ZFC3H1: variants seen among roughly 807,000 people sequenced by gnomAD.
ZFC3H1 encodes zinc finger C3H1-type containing, also known as zinc finger C3H1 domain-containing protein.
Under a neutral mutation model 243.7 loss-of-function variants are expected in ZFC3H1, and 71 were observed. That is an observed-to-expected ratio of 0.29 (90% CI 0.24 to 0.36). ZFC3H1 has a LOEUF of 0.36. ZFC3H1 is among the 10% of genes least tolerant of loss of function. The probability of loss-of-function intolerance (pLI) is 1.00; values close to 1 mark genes in which losing one functional copy is unlikely to be tolerated. For missense variants in ZFC3H1, 1,966 were observed against 2,317.1 expected (o/e 0.85, Z 3.11); for synonymous variants, 838 against 813.0 (o/e 1.03, Z -0.52).
At position 71,663,131 on chromosome 12, in the gene ZFC3H1, C is replaced by A. The variant is rs775444531; in HGVS notation, c.480G>T (p.Gly160=). 5.0e-6 allele frequency: 8 copies of A among 1,614,044 alleles called. No individual in the cohort carries two copies. The East Asian group carries it at 6.7e-5, about 13-fold the overall frequency. ...TGCCTCCTCGCTCACCCACTCCTCG[C>A]CCCCGACTCCAGCGACTCCCACCCC... ...PYRGGSRWSR[G]RGVGERGGKP... Residue 160 remains glycine, a synonymous_variant, in exon 1 of 35, where the codon GGG becomes GGT. Transcript: ENST00000378743.
At chr12:71,652,965 G>A (rs1424997205) in intron 2 of ZFC3H1, among the ~76,000 whole-genome samples, 1 of 149,886 alleles carries the variant, frequency 6.7e-6, no homozygotes, top group Admixed American at 6.7e-5. Context: ...AAAAAACAAC[G>A]ACCATCTCAT....
At chr12:71,638,322 T>G in intron 7 of ZFC3H1, 96 bp downstream of exon 7, 1 of 1,237,516 alleles carries the variant, frequency 8.1e-7, no homozygotes. Flanking sequence ...GCAATTCTGA[T>G]TTTTTAAGCC....
At chr12:71,625,427 C>T (rs992683500) in intron 22 of ZFC3H1, among the ~76,000 whole-genome samples, 1 of 152,152 alleles carries the variant, frequency 6.6e-6, no homozygotes, top group Non-Finnish European at 1.5e-5. Context: ...CATGGTGGCT[C>T]ACATCTATAG....
chr12:71,658,196 G>A (rs1027466628), intron 1 of ZFC3H1, among the ~76,000 whole-genome samples: 1 of 151,002 alleles, frequency 6.6e-6, no homozygotes, highest in Non-Finnish European at 1.5e-5. Context: ...ATTCATACAC[G>A]AGAATTGTTA....
chr12:71,624,008 T>C lies in ZFC3H1; in HGVS notation c.4506+96A>G, dbSNP rs1386481402. On this transcript the variant is annotated intron_variant, in intron 23 of 34. Transcript: ENST00000378743. ...AAAAACAAGGATTCAAATCCAAATCTTGTGCTTTCAACCATTAAATAATGC... is the reference window on the plus strand; with the variant it reads ...AAAAACAAGGATTCAAATCCAAATCCTGTGCTTTCAACCATTAAATAATGC... 7.2e-6 allele frequency: 9 copies of C among 1,254,588 alleles called. No homozygotes were observed. The South Asian group carries it at 1.4e-4, about 19-fold the overall frequency. The allele number at this position is 1,254,588 out of a possible 1,614,324, so 77.7% of individuals were successfully genotyped here.
intron 2 of ZFC3H1, among the ~76,000 whole-genome samples, chr12:71,651,173 G>A (rs1592601577): frequency 1.3e-5 from 2 of 152,162 alleles, no homozygotes; most frequent in South Asian, 2.1e-4. Flanking sequence ...CCCAGATAAC[G>A]CAGTCCCCAG....
chr12:71,655,449 T>G (rs1163168896), intron 2 of ZFC3H1, among the ~76,000 whole-genome samples: 1 of 152,020 alleles, frequency 6.6e-6, no homozygotes, highest in Non-Finnish European at 1.5e-5. Flanking sequence ...GTTTAAAAAC[T>G]TATGTACTTA....
At chr12:71,637,365 T>A (rs1880490024) in intron 7 of ZFC3H1, among the ~76,000 whole-genome samples, 1 of 152,216 alleles carries the variant, frequency 6.6e-6, no homozygotes, top group Non-Finnish European at 1.5e-5. Context: ...GATATAGATA[T>A]CAAACTATAC....
At chr12:71,632,807 T>C (rs1165582626) in intron 14 of ZFC3H1, 79 bp downstream of exon 14, 4 of 1,545,300 alleles carry the variant, frequency 2.6e-6, no homozygotes, top group South Asian at 2.5e-5. Context: ...AGAGTTACTT[T>C]ATATATACAT....
Position 71,645,054 on chromosome 12 carries a change from C to T in ZFC3H1, c.1102G>A (p.Glu368Lys), listed in dbSNP as rs1186943526. The stretch of plus-strand genomic sequence containing the variant: ...AGGCGAAGCTGTAATTCAGATAGTT[C>T]CTCTTCATCTTCACCAAGTTTCTTT... ...SEKKLGEDEEELSELQLRLLA... is the reference protein window; with the variant it reads ...SEKKLGEDEEKLSELQLRLLA... Residue 368 changes from glutamate to lysine, a missense_variant, in exon 4 of 35, where the codon GAA becomes AAA. Around this residue, in one of 4 missense-constraint regions of ZFC3H1, gnomAD observed 91 missense variants for 107.6 expected, o/e 0.85. Transcript: ENST00000378743. 6.2e-7 allele frequency: 1 copy of T among 1,603,216 alleles called. No individual in the cohort carries two copies. The highest frequency in any genetic ancestry group is 1.1e-5 in the South Asian group (1 of 87,940).
intron 24 of ZFC3H1, 128 bp from the exon 25 acceptor site, chr12:71,620,443 CT>C: frequency 1.2e-6 from 1 of 869,498 alleles, no homozygotes; most frequent in Non-Finnish European, 1.8e-6. Flanking sequence ...CATCCATCAT[CT>C]TATTCACCTT....
rs1471512068 is a variant in ZFC3H1 at position 71,663,084 on chromosome 12, A to G, written c.527T>C (p.Leu176Pro). Residue 176 changes from leucine to proline, a missense_variant, in exon 1 of 35, where the codon CTG becomes CCG. Physicochemically the swap from Leu to Pro is moderately conservative, Grantham distance 98. Coordinates refer to ENST00000378743, the MANE Select transcript of ZFC3H1 (RefSeq NM_144982.5). ...RGGKPGCRPPLGGGAGSGFSS... is the reference protein window; with the variant it reads ...RGGKPGCRPPPGGGAGSGFSS... Reference sequence around the variant, plus strand: ...GAACCCGGATCCTGCTCCTCCTCCCAGAGGAGGTCTGCACCCCGGCTTGCC... The same window carrying G: ...GAACCCGGATCCTGCTCCTCCTCCCGGAGGAGGTCTGCACCCCGGCTTGCC... 1 of 1,613,930 alleles carries G rather than the reference A, an allele frequency of 6.2e-7. No individual in the cohort carries two copies. The highest frequency in any genetic ancestry group is 2.2e-5 in the East Asian group (1 of 44,872).
chr12:71,640,585 C>T (rs1880576399), intron 6 of ZFC3H1, among the ~76,000 whole-genome samples: 1 of 152,216 alleles, frequency 6.6e-6, no homozygotes, highest in African/African-American at 2.4e-5. Context: ...CCCCCAAGGC[C>T]ATGCAACTGC....
chr12:71,657,195 T>C lies in ZFC3H1; in HGVS notation c.705A>G (p.Ile235Met), dbSNP rs917969360. 1 of 1,612,826 alleles carries C rather than the reference T, an allele frequency of 6.2e-7. No individual in the cohort carries two copies. The change falls in exon 2 of 35, where the codon ATA (isoleucine) becomes ATG (methionine). Residue 235 changes from isoleucine (I) to methionine (M), a missense_variant. Physicochemically the swap from Ile to Met is conservative, Grantham distance 10. Coordinates refer to ENST00000378743, the MANE Select transcript of ZFC3H1 (RefSeq NM_144982.5). Reference sequence around the variant, plus strand: ...TATTGATGCATTCTAGTTCCAACTGTATTTGTTTATACTTTAAAAGCAAAT... The same window carrying C: ...TATTGATGCATTCTAGTTCCAACTGCATTTGTTTATACTTTAAAAGCAAAT... ...FEDLLLKYKQ[I>M]QLELECINKD...
chr12:71,657,698 A>T (rs1286882599), intron 1 of ZFC3H1, among the ~76,000 whole-genome samples: 1 of 152,094 alleles, frequency 6.6e-6, no homozygotes, highest in Non-Finnish European at 1.5e-5. Flanking sequence ...GATAGTTTAC[A>T]CTTCAGGGGG....
chr12:71,660,831 A>G (rs1022030560), intron 1 of ZFC3H1, among the ~76,000 whole-genome samples: 2 of 152,048 alleles, frequency 1.3e-5, no homozygotes, highest in Non-Finnish European at 2.9e-5. Flanking sequence ...TAAAAAACAC[A>G]TATAAACTGG....
chr12:71,656,905 T>C lies in ZFC3H1; in HGVS notation c.995A>G (p.Asp332Gly). The change falls in exon 2 of 35, where the codon GAC becomes GGC. Residue 332 changes from aspartate (D) to glycine (G), a missense_variant. By Grantham distance (94) the Asp-to-Gly change is moderately conservative. Transcript: ENST00000378743. ...ATTACCTTGACTAGAATCAGTAGTGTCGGATTTCAGGGAAAGTGGTTTTGC... is the reference window on the plus strand; with the variant it reads ...ATTACCTTGACTAGAATCAGTAGTGCCGGATTTCAGGGAAAGTGGTTTTGC... The part of the protein sequence containing the change: ...DGAKPLSLKS[D>G]TTDSSQGLQD... 1 of 1,612,460 alleles carries C rather than the reference T, an allele frequency of 6.2e-7. No individual in the cohort carries two copies. Among genetic ancestry groups the C allele is most frequent in the Non-Finnish European group, 8.5e-7 (1 of 1,179,382 alleles).
chr12:71,625,267 T>C (rs191360721), intron 22 of ZFC3H1, among the ~76,000 whole-genome samples: 20 of 152,340 alleles, frequency 1.3e-4, no homozygotes, highest in African/African-American at 3.8e-4. Context: ...AATGACAGAT[T>C]TGACAGCAAT....
intron 7 of ZFC3H1, among the ~76,000 whole-genome samples, chr12:71,637,616 G>A (rs1441991457): frequency 6.6e-6 from 1 of 152,144 alleles, no homozygotes; most frequent in African/African-American, 2.4e-5. Context: ...ATATGTATTT[G>A]CATCAAAGAT....
Sources: gnomAD v4.1 joint callset for allele counts (sites outside exome capture counted in the v4.1 genomes callset) on GRCh38, gnomAD v4.1.1 for gene constraint, gnomAD v4.1.1 regional missense constraint, MANE v1.5 for transcripts, NCBI Gene and HGNC (gene_info 2026-07-23, HGNC 2026-07-21) for gene names.